IPP: variants seen among roughly 807,000 people sequenced by gnomAD.
IPP encodes intracisternal A particle-promoted polypeptide.
A neutral mutation model predicts 64.1 loss-of-function variants in IPP; 41 were observed. That is an observed-to-expected ratio of 0.64 (90% confidence interval 0.50 to 0.83). The LOEUF is 0.83. IPP is among the 40% of genes least tolerant of loss of function. IPP has a pLI of 0.00. For synonymous variants in IPP, 214 were observed against 235.2 expected (o/e 0.91, Z 0.83); for missense variants, 649 against 703.0 (o/e 0.92, Z 0.87).
At chr1:45,718,566 AC>A (rs66753118) in intron 6 of IPP, among the ~76,000 whole-genome samples, 43,230 of 151,588 alleles carry the variant, frequency 0.29, 6,299 homozygotes, top group South Asian at 0.37. Flanking sequence ...GCCCAGGAGC[AC>A]CCCCTCCAAT....
rs1645812354 is a variant in IPP, at chr1:45,725,579, TG to T, written c.1048+2051del. On this transcript the variant is annotated intron_variant, in intron 5 of 8. Coordinates refer to ENST00000396478, the MANE Select transcript of IPP (RefSeq NM_005897.3). Reference sequence around the variant, plus strand: ...CCCTCTGCCCGGCCACGACCCCGTCTGGGAGGTGTGCCCAGCGGCTCATTGG... The same window carrying T: ...CCCTCTGCCCGGCCACGACCCCGTCTGGAGGTGTGCCCAGCGGCTCATTGG... Among the ~76,000 whole-genome samples the T allele has an allele frequency of 3.6e-5, 5 of 137,464 alleles. No individual in the cohort carries two copies. The South Asian group carries it at 7.9e-4, about 22-fold the overall frequency. 90.2% of individuals were successfully genotyped at this position (137,464 alleles called of 152,430 possible). A position where few individuals can be genotyped will look rare whatever the true frequency, so the allele number is the denominator to read the frequency against.
At chr1:45,728,047 C>T (rs957544483) in intron 4 of IPP, among the ~76,000 whole-genome samples, 5 of 151,876 alleles carry the variant, frequency 3.3e-5, no homozygotes, top group African/African-American at 4.8e-5. Flanking sequence ...AATCTAGGCA[C>T]TGCTTATCTG....
At chr1:45,720,357 T>G (rs1231371883) in intron 5 of IPP, among the ~76,000 whole-genome samples, 8 of 152,172 alleles carry the variant, frequency 5.3e-5, no homozygotes, top group African/African-American at 1.9e-4. Flanking sequence ...AACATCTAAA[T>G]AAATGAAGAG....
At chr1:45,734,142 AAAG>A (rs1482321810) in intron 3 of IPP, among the ~76,000 whole-genome samples, 5 of 152,106 alleles carry the variant, frequency 3.3e-5, no homozygotes, top group African/African-American at 1.2e-4. Context: ...TGACACAAAA[AAAG>A]GAGTGGAAAG....
rs71058702 is a variant in IPP at position 45,712,298 on chromosome 1, T to TAA, written c.1530+1946_1530+1947dup. On this transcript the variant is annotated intron_variant, in intron 8 of 8. Coordinates refer to ENST00000396478, the MANE Select transcript of IPP (RefSeq NM_005897.3). ...CCTGGTGACTGAGCAAGACGACGTC[T>TAA]AAAAAAAAAAAAAAAAGCAACCAAC... 3.3e-3 allele frequency among the ~76,000 whole-genome samples: 437 copies of TAA among 131,228 alleles called. 6 individuals are homozygous for TAA. Among genetic ancestry groups the TAA allele is most frequent in the African/African-American group, 7.8e-3 (275 of 35,296 alleles). The allele number at this position is 131,228 out of a possible 152,430, so 86.1% of individuals were successfully genotyped here. A position where few individuals can be genotyped will look rare whatever the true frequency, so the allele number is the denominator to read the frequency against.
At chr1:45,740,335 G>C (rs1646043125) in intron 3 of IPP, among the ~76,000 whole-genome samples, 2 of 152,214 alleles carry the variant, frequency 1.3e-5, no homozygotes, top group Non-Finnish European at 2.9e-5. Context: ...ATGAGCTGTT[G>C]GGTACACCTC....
intron 5 of IPP, among the ~76,000 whole-genome samples, chr1:45,724,990 C>T (rs1257049984): frequency 7.0e-6 from 1 of 142,848 alleles, no homozygotes; most frequent in Non-Finnish European, 1.5e-5. Context: ...CTCTGCCCGG[C>T]CAGTCGCCCC....
intron 2 of IPP, among the ~76,000 whole-genome samples, chr1:45,744,475 C>T (rs1646108313): frequency 6.6e-6 from 1 of 152,100 alleles, no homozygotes; most frequent in South Asian, 2.1e-4. Context: ...CCTCAAACTC[C>T]TGGATCCTCC....
intron 2 of IPP, among the ~76,000 whole-genome samples, chr1:45,743,555 A>G (rs894541131): frequency 6.6e-6 from 1 of 152,080 alleles, no homozygotes; most frequent in African/African-American, 2.4e-5. Context: ...CTCTACAAAA[A>G]AAATTTAAAA....
At chr1:45,746,795 C>T (rs1042663643) in intron 1 of IPP, among the ~76,000 whole-genome samples, 1 of 152,148 alleles carries the variant, frequency 6.6e-6, no homozygotes, top group Non-Finnish European at 1.5e-5. Context: ...ACAAAGCACA[C>T]ATCACAGAGC....
chr1:45,716,993 C>G lies in IPP; in HGVS notation c.1211G>C (p.Gly404Ala), dbSNP rs746884280. 5.0e-6 allele frequency: 8 copies of G among 1,612,892 alleles called. No homozygotes were observed. The East Asian group carries it at 1.8e-4, about 36-fold the overall frequency. The stretch of plus-strand genomic sequence containing the variant: ...AGGATCAAATCGTTCAATGGTGTTC[C>G]CTATCTCAGCTCCAACCCATCCACC... ...ALGGWVGAEI[G>A]NTIERFDPDE... Residue 404 changes from glycine (G) to alanine (A), a missense_variant, in exon 7 of 9, where the codon GGG becomes GCG. Gly to Ala is a moderately conservative substitution (Grantham distance 60). Transcript: ENST00000396478.
intron 8 of IPP, among the ~76,000 whole-genome samples, chr1:45,711,866 G>A (rs1486802035): frequency 6.6e-6 from 1 of 152,038 alleles, no homozygotes; most frequent in Non-Finnish European, 1.5e-5. Flanking sequence ...ATCTAATAAT[G>A]GATCTTCAAA....
At chr1:45,719,073 G>T in intron 6 of IPP, 130 bp downstream of exon 6, 1 of 774,380 alleles carries the variant, frequency 1.3e-6, no homozygotes, top group South Asian at 1.8e-5. Context: ...TACAAGATGT[G>T]ATTATTACGC....
At chr1:45,700,254 T>A in intron 8 of IPP, 64 bp from the exon 9 acceptor site, 1 of 1,536,208 alleles carries the variant, frequency 6.5e-7, no homozygotes, top group Admixed American at 2.1e-5. Context: ...AGAAATCCAC[T>A]GAGAAATTCG....
At chr1:45,735,715 C>T (rs1204142767) in intron 3 of IPP, among the ~76,000 whole-genome samples, 5 of 144,900 alleles carry the variant, frequency 3.5e-5, no homozygotes, top group African/African-American at 1.0e-4. Flanking sequence ...CTGCCACCTC[C>T]GCCTCCTCGG....
Position 45,746,438 on chromosome 1 carries a change from T to A in IPP, c.-27A>T, listed in dbSNP as rs764504625. ...ATGACGGTAGATTAATTAAAAGGAC[T>A]GTTGCCCATAATCTGTTACTACCCT... On this transcript the variant is annotated 5_prime_UTR_variant, in exon 2 of 9. Coordinates refer to ENST00000396478, the MANE Select transcript of IPP (RefSeq NM_005897.3). 7 of 1,574,446 alleles carry A rather than the reference T, an allele frequency of 4.4e-6. No individual in the cohort carries two copies. Among genetic ancestry groups the A allele is most frequent in the Non-Finnish European group, 6.1e-6 (7 of 1,151,734 alleles).
intron 6 of IPP, among the ~76,000 whole-genome samples, chr1:45,718,878 G>C (rs920935426): frequency 6.6e-6 from 1 of 150,568 alleles, no homozygotes; most frequent in Admixed American, 6.6e-5. Flanking sequence ...TGGGGAGGGA[G>C]GAGGTGGGCA....
intron 4 of IPP, among the ~76,000 whole-genome samples, chr1:45,729,132 T>A (rs1645872285): frequency 7.4e-6 from 1 of 134,260 alleles, no homozygotes. Context: ...GGAGACAGAG[T>A]AAGACTACCT....
At chr1:45,698,209 T>C (rs1275762873), downstream of IPP, among the ~76,000 whole-genome samples, 1 of 152,048 alleles carries the variant, frequency 6.6e-6, no homozygotes, top group African/African-American at 2.4e-5. Flanking sequence ...GGAGAATCGC[T>C]TGAATCCGGG....
Sources: allele counts gnomAD v4.1 joint callset (sites outside exome capture counted in the v4.1 genomes callset), GRCh38; gene constraint gnomAD v4.1.1; transcripts MANE v1.5; gene names NCBI Gene and HGNC (gene_info 2026-07-23, HGNC 2026-07-21).